The following GRK2 variants were observed in gnomAD, a reference collection of about 807,000 sequenced individuals.
The protein encoded by GRK2 is adrenergic beta receptor kinase 1.
In GRK2, 23 loss-of-function variants were observed where a neutral mutation model predicts 97.8. The observed-to-expected ratio is 0.24, with a 90% CI of 0.17 to 0.33. The LOEUF (loss-of-function observed/expected upper bound fraction) is 0.33. Ranked by LOEUF, GRK2 falls within the 10% of genes least tolerant of loss-of-function variation. The pLI is 1.00. For synonymous variants in GRK2, 425 were observed against 381.7 expected, an observed-to-expected ratio of 1.11 and a Z score of -1.32; for missense variants, 633 against 956.9, an observed-to-expected ratio of 0.66 and a Z score of 4.47.
intron 1 of GRK2, among the ~76,000 whole-genome samples, chr11:67,275,751 C>T (rs1287836077): frequency 2.6e-5 from 4 of 152,118 alleles, no homozygotes; most frequent in East Asian, 3.9e-4. Flanking sequence ...CCCCTGGCTT[C>T]GCCAGCTGCC....
In GRK2 at chr11:67,283,182, T is replaced by G. The variant is rs1181588575; in HGVS notation, c.1282T>G (p.Leu428Val). ...TGAACTACGCTCCCTGCTGGAGGGGTTGCTGCAGAGGGATGTCAACCGGAG... is the reference window on the plus strand; with the variant it reads ...TGAACTACGCTCCCTGCTGGAGGGGGTGCTGCAGAGGGATGTCAACCGGAG... ...SPELRSLLEGLLQRDVNRRLG... is the reference protein window; with the variant it reads ...SPELRSLLEGVLQRDVNRRLG... Residue 428 changes from leucine to valine, a missense_variant, in exon 15 of 21, where the codon TTG (leucine) becomes GTG (valine). By Grantham distance (32) the Leu-to-Val change is conservative. This residue lies in a region of GRK2 where 68 missense variants were observed against 71.0 expected (regional missense o/e 0.96). Coordinates refer to ENST00000308595, the MANE Select transcript of GRK2 (RefSeq NM_001619.5). 1.2e-6 allele frequency: 2 copies of G among 1,613,584 alleles called. No homozygotes were observed. Among genetic ancestry groups the G allele is most frequent in the Non-Finnish European group, 1.7e-6 (2 of 1,179,900 alleles).
chr11:67,279,559 C>T (rs770163815), intron 4 of GRK2, 40 bp downstream of exon 4: 1 of 1,612,216 alleles, frequency 6.2e-7, no homozygotes, highest in South Asian at 1.1e-5. Context: ...GGCCCAGAGT[C>T]ACCTGCAGAT....
chr11:67,275,676 G>T (rs575863988), intron 1 of GRK2, among the ~76,000 whole-genome samples: 6 of 152,308 alleles, frequency 3.9e-5, no homozygotes, highest in Admixed American at 3.3e-4. Context: ...CCTCTCTCCT[G>T]CCCCATTGGC....
chr11:67,283,404 G>A, intron 15 of GRK2, 176 bp downstream of exon 15: 1 of 642,516 alleles, frequency 1.6e-6, no homozygotes, highest in Middle Eastern at 4.2e-4. Context: ...CTGGGAGTTG[G>A]AGCTGCTGGA....
rs559905131 is a variant in GRK2 at position 67,286,416 on chromosome 11, G to T, written c.*966G>T. The T allele has an allele frequency of 1.4e-6, 1 of 699,836 alleles. No individual in the cohort carries two copies. The highest frequency in any genetic ancestry group is 2.6e-6 in the Non-Finnish European group (1 of 383,582). The allele number at this position is 699,836 out of a possible 1,614,324, so 43.4% of individuals were successfully genotyped here. On this transcript the variant is annotated 3_prime_UTR_variant, in exon 21 of 21. Transcript: ENST00000308595. ...AGTCGCGCTGCCTGTGTGGTGTCGC[G>T]CCTTCTCCCCCCCGGGGCTGGGTTG...
At position 67,277,196 on chromosome 11, in the gene GRK2, C is replaced by T. The variant is rs992909299; in HGVS notation, c.114-76C>T. 5 of 1,460,538 alleles carry T rather than the reference C, an allele frequency of 3.4e-6. No homozygotes were observed. The African/African-American group carries it at 4.2e-5, about 12-fold the overall frequency. The allele number at this position is 1,460,538 out of a possible 1,614,324, so 90.5% of individuals were successfully genotyped here. ...GGAGTGGCGACACCACCACAGTGCC[C>T]TCAGCTCGCGTTTCTGGGCCTGCAG... is the stretch of plus-strand genomic sequence containing the variant. On this transcript the variant is annotated intron_variant, in intron 1 of 20. Transcript: ENST00000308595.
chr11:67,285,967 G>A lies in GRK2; in HGVS notation c.*517G>A, dbSNP rs1167320534. On this transcript the variant is annotated 3_prime_UTR_variant, in exon 21 of 21. Coordinates refer to ENST00000308595, the MANE Select transcript of GRK2 (RefSeq NM_001619.5). ...CCCTCAAGGCCTCCCACAGTGACTC[G>A]GGCTCCTGTGCCCTTATTCAGGAAA... 8.5e-6 allele frequency: 2 copies of A among 234,148 alleles called. No homozygotes were observed. The highest frequency in any genetic ancestry group is 1.3e-4 in the East Asian group (1 of 7,456). 14.5% of individuals were successfully genotyped at this position (234,148 alleles called of 1,614,324 possible).
chr11:67,278,628 C>T (rs1229370549), intron 2 of GRK2, among the ~76,000 whole-genome samples: 1 of 152,228 alleles, frequency 6.6e-6, no homozygotes, highest in African/African-American at 2.4e-5. Context: ...GACCCACCCT[C>T]CCTGCCTGTT....
At position 67,283,963 on chromosome 11, in the gene GRK2, C is replaced by G. The variant is rs368693195; in HGVS notation, c.1491+14C>G. 16 of 1,592,118 alleles carry G rather than the reference C, an allele frequency of 1.0e-5. No individual in the cohort carries two copies. Among genetic ancestry groups the G allele is most frequent in the Middle Eastern group, 1.7e-4 (1 of 6,042 alleles). On this transcript the variant is annotated intron_variant, in intron 17 of 20. Coordinates refer to ENST00000308595, the MANE Select transcript of GRK2 (RefSeq NM_001619.5). Reference sequence around the variant, plus strand: ...AAAGGAATCAAGGTACTGGGCCTTGCCTGGCCTCTTGTACCTAGGCTGTGA... The same window carrying G: ...AAAGGAATCAAGGTACTGGGCCTTGGCTGGCCTCTTGTACCTAGGCTGTGA...
rs1860180974 is a variant in GRK2, at chr11:67,282,698, C to T, written c.1161-54C>T. Reference sequence around the variant, plus strand: ...GCCACAGCTCATCCATGCTGCCTGCCTCCCTTTCCCCATTCCTGTCCTTTG... The same window carrying T: ...GCCACAGCTCATCCATGCTGCCTGCTTCCCTTTCCCCATTCCTGTCCTTTG... On this transcript the variant is annotated intron_variant, in intron 13 of 20. Coordinates refer to ENST00000308595, the MANE Select transcript of GRK2 (RefSeq NM_001619.5). This position sits in a 1 kb window ranked among gnomAD's most constrained non-coding sequence, Gnocchi z 6.9. The T allele has an allele frequency of 6.2e-7, 1 of 1,600,746 alleles. No individual in the cohort carries two copies. The highest frequency in any genetic ancestry group is 8.5e-7 in the Non-Finnish European group (1 of 1,172,562).
In GRK2 at chr11:67,283,968, C is replaced by T. The variant is rs567008177; in HGVS notation, c.1491+19C>T. 6.3e-7 allele frequency: 1 copy of T among 1,576,388 alleles called. No individual in the cohort carries two copies. The highest frequency in any genetic ancestry group is 2.3e-5 in the East Asian group (1 of 43,708). The stretch of plus-strand genomic sequence containing the variant: ...AATCAAGGTACTGGGCCTTGCCTGG[C>T]CTCTTGTACCTAGGCTGTGATCCTG... On this transcript the variant is annotated intron_variant, in intron 17 of 20. Transcript: ENST00000308595.
rs1282973955 is a variant in GRK2, at chr11:67,285,722, G to C, written c.*272G>C. The C allele has an allele frequency of 2.1e-6, 1 of 482,322 alleles. No homozygotes were observed. Among genetic ancestry groups the C allele is most frequent in the Non-Finnish European group, 3.7e-6 (1 of 272,772 alleles). 29.9% of individuals were successfully genotyped at this position (482,322 alleles called of 1,614,324 possible). On this transcript the variant is annotated 3_prime_UTR_variant, in exon 21 of 21. Coordinates refer to ENST00000308595, the MANE Select transcript of GRK2 (RefSeq NM_001619.5). ...CACAGCCCTCCCGCCCCTTCCCCGAGGGATGATGCCACACCAAGCTGTGCC... is the reference window on the plus strand; with the variant it reads ...CACAGCCCTCCCGCCCCTTCCCCGACGGATGATGCCACACCAAGCTGTGCC...
intron 17 of GRK2, 64 bp downstream of exon 17, chr11:67,284,013 TC>T: frequency 6.8e-7 from 1 of 1,474,516 alleles, no homozygotes; most frequent in Non-Finnish European, 9.3e-7. Flanking sequence ...AGGATCCCTC[TC>T]CCTTCTTATC....
rs765446129 is a variant in GRK2 at position 67,286,427 on chromosome 11, C to A, written c.*977C>A. 201 of 699,928 alleles carry A rather than the reference C, an allele frequency of 2.9e-4. No homozygotes were observed. In the African/African-American group the frequency reaches 3.1e-3, roughly 11 times the overall value. 43.4% of individuals were successfully genotyped at this position (699,928 alleles called of 1,614,324 possible). A position where few individuals can be genotyped will look rare whatever the true frequency, so the allele number is the denominator to read the frequency against. ...CTGTGTGGTGTCGCGCCTTCTCCCC[C>A]CCGGGGCTGGGTTGGCGCACCCTCC... On this transcript the variant is annotated 3_prime_UTR_variant, in exon 21 of 21. Coordinates refer to ENST00000308595, the MANE Select transcript of GRK2 (RefSeq NM_001619.5).
Position 67,283,150 on chromosome 11 carries a change from T to C in GRK2, c.1250T>C (p.Phe417Ser), listed in dbSNP as rs753496595. 6.2e-7 allele frequency: 1 copy of C among 1,613,942 alleles called. No individual in the cohort carries two copies. The highest frequency in any genetic ancestry group is 1.1e-5 in the South Asian group (1 of 91,080). ...AAGGCCGTGGAGCTGCCCGACTCCTTCTCCCCTGAACTACGCTCCCTGCTG... is the reference window on the plus strand; with the variant it reads ...AAGGCCGTGGAGCTGCCCGACTCCTCCTCCCCTGAACTACGCTCCCTGCTG... ...LTMAVELPDSFSPELRSLLEG... is the reference protein window; with the variant it reads ...LTMAVELPDSSSPELRSLLEG... The change falls in exon 15 of 21, where the codon TTC becomes TCC. Residue 417 changes from phenylalanine (F) to serine (S), a missense_variant. Phe to Ser is a radical substitution (Grantham distance 155). Transcript: ENST00000308595.
At chr11:67,278,427 C>T (rs1476618298) in intron 2 of GRK2, among the ~76,000 whole-genome samples, 1 of 152,140 alleles carries the variant, frequency 6.6e-6, no homozygotes, top group African/African-American at 2.4e-5. Context: ...CCTGAGAGCC[C>T]CTCCCACAGC....
intron 1 of GRK2, among the ~76,000 whole-genome samples, chr11:67,272,358 G>A (rs1185873580): frequency 1.3e-5 from 2 of 152,152 alleles, no homozygotes; most frequent in Non-Finnish European, 2.9e-5. Context: ...GGGCCTCGGA[G>A]CACGTGGCCC....
chr11:67,271,880 C>T (rs1345999639), intron 1 of GRK2, among the ~76,000 whole-genome samples: 1 of 152,200 alleles, frequency 6.6e-6, no homozygotes, highest in African/African-American at 2.4e-5. Flanking sequence ...CTGCTGCTGG[C>T]ACCTTGGTGT....
rs1329353654 is a variant in GRK2 at position 67,285,102 on chromosome 11, C to T, written c.1819C>T (p.Gln607Ter). The T allele has an allele frequency of 6.2e-7, 1 of 1,613,362 alleles. No individual in the cohort carries two copies. ...PQSLLTMEEI[Q>*]SVEETQIKER... The stretch of plus-strand genomic sequence containing the variant: ...GAGCCTGCTGACCATGGAGGAGATC[C>T]AGTCGGTGGAGGAGACGCAGATCAA... Residue 607 changes from glutamine (Q) to a stop codon, truncating the protein, a stop_gained, in exon 20 of 21, where the codon CAG becomes TAG. Transcript: ENST00000308595. LOFTEE classifies it high-confidence loss of function.
Sources: gnomAD v4.1 joint callset for allele counts (sites outside exome capture counted in the v4.1 genomes callset) on GRCh38, gnomAD v4.1.1 for gene constraint, gnomAD v4.1.1 regional missense constraint, Gnocchi (gnomAD v3.1) non-coding constraint, MANE v1.5 for transcripts, NCBI Gene and HGNC (gene_info 2026-07-23, HGNC 2026-07-21) for gene names.